The following CNTNAP2 variants were observed in gnomAD, a reference collection of about 807,000 sequenced individuals.
The protein encoded by CNTNAP2 is contactin-associated protein-like 2.
Under a neutral mutation model 155.2 loss-of-function variants are expected in CNTNAP2, and 98 were observed. The ratio of observed to expected loss-of-function variants is 0.63; its 90% CI spans 0.54 to 0.75. The LOEUF (loss-of-function observed/expected upper bound fraction) is 0.75, where lower values mean the gene tolerates loss of function less well. Ranked by LOEUF, CNTNAP2 falls within the 30% of genes least tolerant of loss-of-function variation. The pLI, the probability that CNTNAP2 is intolerant of heterozygous loss-of-function variation, is 0.00. For synonymous variants in CNTNAP2, 651 were observed against 631.2 expected (o/e 1.03, Z -0.47); for missense variants, 1,727 against 1,688.1 (o/e 1.02, Z -0.40).
chr7:147,339,857 GC>G, intron 9 of CNTNAP2, among the ~76,000 whole-genome samples: 1 of 152,038 alleles, frequency 6.6e-6, no homozygotes, highest in Non-Finnish European at 1.5e-5. Flanking sequence ...CAGTAAATTG[GC>G]CAAAGAGGTC....
intron 22 of CNTNAP2, among the ~76,000 whole-genome samples, chr7:148,398,441 TA>T (rs1309027708): frequency 6.6e-6 from 1 of 152,158 alleles, no homozygotes; most frequent in Non-Finnish European, 1.5e-5. Flanking sequence ...AAAAAGCATT[TA>T]AAAATATTTA....
rs574843242 is a variant in CNTNAP2 at position 147,453,773 on chromosome 7, C to T, written c.1671-32162C>T. Among the ~76,000 whole-genome samples, 6 of 152,140 alleles carry T rather than the reference C, an allele frequency of 3.9e-5. No homozygotes were observed. The South Asian group carries it at 1.0e-3, about 26-fold the overall frequency. ...CAAGTAACAAACCTGCACTTGTACT[C>T]CAAACTTAAAAGCTAAAAAAAAGAA... On this transcript the variant is annotated intron_variant, in intron 10 of 23. Transcript: ENST00000361727.
intron 13 of CNTNAP2, among the ~76,000 whole-genome samples, chr7:147,889,482 A>G (rs1799651353): frequency 6.6e-6 from 1 of 152,168 alleles, no homozygotes; most frequent in South Asian, 2.1e-4. Context: ...GAGCCTATTG[A>G]TACGAATGCA....
At chr7:147,387,226 T>A (rs1796639597) in intron 9 of CNTNAP2, among the ~76,000 whole-genome samples, 1 of 152,156 alleles carries the variant, frequency 6.6e-6, no homozygotes, top group Non-Finnish European at 1.5e-5. Context: ...GGACCCACTC[T>A]GGGATCACAT....
chr7:147,975,070 TTATGTATAA>T (rs1468839653), intron 14 of CNTNAP2, among the ~76,000 whole-genome samples: 5 of 151,420 alleles, frequency 3.3e-5, no homozygotes, highest in African/African-American at 1.2e-4. Flanking sequence ...ATTTTTTGTA[TTATGTATAA>T]TACAATTTTT....
intron 10 of CNTNAP2, among the ~76,000 whole-genome samples, chr7:147,484,783 G>C (rs1798482721): frequency 6.6e-6 from 1 of 152,198 alleles, no homozygotes; most frequent in Non-Finnish European, 1.5e-5. Context: ...GGAGCTGCTA[G>C]GGCATTATGA....
At chr7:147,482,058 A>T (rs77678732) in intron 10 of CNTNAP2, among the ~76,000 whole-genome samples, 3 of 152,076 alleles carry the variant, frequency 2.0e-5, no homozygotes, top group African/African-American at 7.2e-5. Context: ...CTTTCAGTCA[A>T]TGTGTCAATA....
intron 8 of CNTNAP2, among the ~76,000 whole-genome samples, chr7:147,223,061 G>A (rs539711253): frequency 6.6e-6 from 1 of 152,128 alleles, no homozygotes. Flanking sequence ...AATATTTGCT[G>A]TGAAAACCTG....
chr7:146,135,638 T>A (rs1797786278), intron 1 of CNTNAP2, among the ~76,000 whole-genome samples: 1 of 152,124 alleles, frequency 6.6e-6, no homozygotes, highest in African/African-American at 2.4e-5. Context: ...AGTGCCTAAC[T>A]AATGTTATTA....
chr7:148,380,605 A>G (rs1221450093), intron 21 of CNTNAP2, among the ~76,000 whole-genome samples: 3 of 151,354 alleles, frequency 2.0e-5, no homozygotes, highest in African/African-American at 7.3e-5. Flanking sequence ...TTCAAAGAGA[A>G]ATTGAGACTG....
At chr7:147,511,941 T>C (rs150578264) in intron 11 of CNTNAP2, among the ~76,000 whole-genome samples, 1 of 152,342 alleles carries the variant, frequency 6.6e-6, no homozygotes, top group African/African-American at 2.4e-5. Context: ...AAGCTGTTTG[T>C]ATATTTATTT....
intron 14 of CNTNAP2, among the ~76,000 whole-genome samples, chr7:147,911,233 A>G (rs1210327723): frequency 6.6e-6 from 1 of 152,200 alleles, no homozygotes; most frequent in Non-Finnish European, 1.5e-5. Context: ...GGGAAACACC[A>G]ACTCCAAGTG....
At chr7:146,885,030 A>G (rs1795628206) in intron 3 of CNTNAP2, among the ~76,000 whole-genome samples, 4 of 152,110 alleles carry the variant, frequency 2.6e-5, no homozygotes, top group Non-Finnish European at 5.9e-5. Flanking sequence ...ATGCATGTGT[A>G]TCTCCCAGAC....
At chr7:148,109,170 T>G in intron 15 of CNTNAP2, among the ~76,000 whole-genome samples, 1 of 152,176 alleles carries the variant, frequency 6.6e-6, no homozygotes, top group East Asian at 1.9e-4. Context: ...TAATCACATT[T>G]GTTGATCTTT....
intron 9 of CNTNAP2, among the ~76,000 whole-genome samples, chr7:147,393,076 T>G (rs965969180): frequency 1.6e-4 from 25 of 152,046 alleles, no homozygotes; most frequent in Non-Finnish European, 2.6e-4. Flanking sequence ...TTGCAGAGTT[T>G]TCTATTGTTC....
At chr7:147,946,701 A>G (rs1403332344) in intron 14 of CNTNAP2, among the ~76,000 whole-genome samples, 1 of 152,160 alleles carries the variant, frequency 6.6e-6, no homozygotes, top group Non-Finnish European at 1.5e-5. Context: ...CTGTGAGACC[A>G]GGACAAGCCA....
chr7:146,289,138 T>TC (rs1800388239), intron 1 of CNTNAP2, among the ~76,000 whole-genome samples: 1 of 152,146 alleles, frequency 6.6e-6, no homozygotes, highest in African/African-American at 2.4e-5. Context: ...GCCTGACCAC[T>TC]CCCTCAGACA....
intron 1 of CNTNAP2, among the ~76,000 whole-genome samples, chr7:146,705,550 C>A (rs1389975429): frequency 1.3e-5 from 2 of 152,086 alleles, no homozygotes; most frequent in Non-Finnish European, 2.9e-5. Context: ...AGTCTGTTCT[C>A]ACGCTGCTAA....
intron 10 of CNTNAP2, among the ~76,000 whole-genome samples, chr7:147,479,096 T>C (rs4725734): frequency 0.26 from 39,170 of 152,128 alleles, 6,215 homozygotes; most frequent in African/African-American, 0.45. Context: ...ACTCACTGAT[T>C]TATTACTTCA....
Sources: allele counts gnomAD v4.1 joint callset (sites outside exome capture counted in the v4.1 genomes callset), GRCh38; gene constraint gnomAD v4.1.1; transcripts MANE v1.5; gene names NCBI Gene and HGNC (gene_info 2026-07-23, HGNC 2026-07-21).